The following NLN variants were observed in gnomAD, a reference collection of about 807,000 sequenced individuals.
The protein encoded by NLN is neurolysin, mitochondrial.
Under a neutral mutation model 79.9 loss-of-function variants are expected in NLN, and 64 were observed. The observed-to-expected ratio is 0.80, with a 90% CI of 0.65 to 0.99. The LOEUF (loss-of-function observed/expected upper bound fraction) is 0.99, where lower values mean the gene tolerates loss of function less well. NLN is among the 50% of genes least tolerant of loss of function. NLN has a pLI of 0.00. For synonymous variants in NLN, 267 were observed against 296.6 expected, an observed-to-expected ratio of 0.90 and a Z score of 1.02; for missense variants, 835 against 858.7, an observed-to-expected ratio of 0.97 and a Z score of 0.34.
rs932186774 is a variant in NLN, at chr5:65,771,173, GA to G, written c.451-6245del. The stretch of plus-strand genomic sequence containing the variant: ...TTAAATGTATCCTTAATTCCACTAA[GA>G]AAAAAAAAGAGAAAAAGCAGTGAAA... On this transcript the variant is annotated intron_variant, in intron 3 of 12. Transcript: ENST00000380985. Among the ~76,000 whole-genome samples, 6 of 150,420 alleles carry G rather than the reference GA, an allele frequency of 4.0e-5. No individual in the cohort carries two copies. The East Asian group carries it at 9.7e-4, about 24-fold the overall frequency.
At position 65,809,525 on chromosome 5, in the gene NLN, C is replaced by T; in HGVS notation, c.1538C>T (p.Ala513Val). The change falls in exon 10 of 13, where the codon GCA becomes GTA. Residue 513 changes from alanine to valine, a missense_variant. Ala to Val is a moderately conservative substitution (Grantham distance 64). Coordinates refer to ENST00000380985, the MANE Select transcript of NLN (RefSeq NM_020726.5). ...MHQICAQTDF[A>V]RFSGTNVETD... is the part of the protein sequence containing the mutation. The stretch of plus-strand genomic sequence containing the variant: ...GTGTTTGCTTTCTAGACTGATTTTG[C>T]ACGATTTAGCGGAACAAATGTGGAA... 1 of 1,594,850 alleles carries T rather than the reference C, an allele frequency of 6.3e-7. No homozygotes were observed. Among genetic ancestry groups the T allele is most frequent in the Admixed American group, 1.8e-5 (1 of 54,174 alleles).
chr5:65,815,031 A>G (rs1009830276), intron 12 of NLN, among the ~76,000 whole-genome samples: 35 of 152,274 alleles, frequency 2.3e-4, no homozygotes, highest in African/African-American at 7.5e-4. Flanking sequence ...TACATAGTAC[A>G]TAGATTATTT....
rs757202934 is a variant in NLN, at chr5:65,773,127, A to ATT, written c.451-4281_451-4280dup. On this transcript the variant is annotated intron_variant, in intron 3 of 12. Coordinates refer to ENST00000380985, the MANE Select transcript of NLN (RefSeq NM_020726.5). Reference sequence around the variant, plus strand: ...GCCACCACACCCAGCCCTGAATTCTATTTTTTTTTTTTTTTTTTTTCTGCA... The same window carrying ATT: ...GCCACCACACCCAGCCCTGAATTCTATTTTTTTTTTTTTTTTTTTTTTCTGCA... Among the ~76,000 whole-genome samples, 587 of 96,584 alleles carry ATT rather than the reference A, an allele frequency of 6.1e-3. 22 individuals carry two copies. Among genetic ancestry groups the ATT allele is most frequent in the African/African-American group, 0.014 (343 of 23,716 alleles). 63.4% of individuals were successfully genotyped at this position (96,584 alleles called of 152,430 possible).
chr5:65,739,665 A>G (rs1393079135), intron 1 of NLN, among the ~76,000 whole-genome samples: 2 of 152,190 alleles, frequency 1.3e-5, no homozygotes, highest in Admixed American at 6.5e-5. Context: ...TCCACCAAAG[A>G]CTTGCTATCT....
chr5:65,800,857 AT>A, intron 9 of NLN, among the ~76,000 whole-genome samples: 1 of 151,140 alleles, frequency 6.6e-6, no homozygotes. Flanking sequence ...TGCCCAGCTA[AT>A]TTTTTTATAG....
At chr5:65,727,498 G>T (rs1204513777) in intron 1 of NLN, among the ~76,000 whole-genome samples, 1 of 151,660 alleles carries the variant, frequency 6.6e-6, no homozygotes, top group Non-Finnish European at 1.5e-5. Flanking sequence ...AAATGAAAAG[G>T]ACTAGACTAA....
rs1226159632 is a variant in NLN at position 65,827,040 on chromosome 5, G to C, written c.*4125G>C. 6.6e-6 allele frequency: 1 copy of C among 151,634 alleles called. No homozygotes were observed. Among genetic ancestry groups the C allele is most frequent in the African/African-American group, 2.4e-5 (1 of 41,202 alleles). The allele number at this position is 151,634 out of a possible 1,614,324, so 9.4% of individuals were successfully genotyped here. ...CCACTGGAAACAGATCCACCTAAGTGATTATCTAGTATCAGCTGTATCAAG... is the reference window on the plus strand; with the variant it reads ...CCACTGGAAACAGATCCACCTAAGTCATTATCTAGTATCAGCTGTATCAAG... On this transcript the variant is annotated 3_prime_UTR_variant, in exon 13 of 13. Transcript: ENST00000380985.
At chr5:65,819,653 T>C (rs1241322442) in intron 12 of NLN, among the ~76,000 whole-genome samples, 1 of 152,220 alleles carries the variant, frequency 6.6e-6, no homozygotes. Flanking sequence ...GTTTCTAATA[T>C]GAAAAATTTT....
At chr5:65,757,578 C>T (rs1230185347) in intron 1 of NLN, among the ~76,000 whole-genome samples, 1 of 150,676 alleles carries the variant, frequency 6.6e-6, no homozygotes, top group Non-Finnish European at 1.5e-5. Flanking sequence ...TATTTGTAAG[C>T]CCTAAAATTA....
In NLN at chr5:65,745,047, G is replaced by A. The variant is rs144788736; in HGVS notation, c.42-13520G>A. ...ATTAAAGGGCTCTGGAAAAAAATGAGACCTGGGTGCAGAGGGCAGCCATCC... is the reference window on the plus strand; with the variant it reads ...ATTAAAGGGCTCTGGAAAAAAATGAAACCTGGGTGCAGAGGGCAGCCATCC... On this transcript the variant is annotated intron_variant, in intron 1 of 12. Transcript: ENST00000380985. Among the ~76,000 whole-genome samples the A allele has an allele frequency of 1.0e-2, 1,519 of 152,278 alleles. 6 individuals are homozygous for A. Among genetic ancestry groups the A allele is most frequent in the Non-Finnish European group, 0.014 (945 of 68,028 alleles).
Position 65,742,284 on chromosome 5 carries a change from G to A in NLN, c.42-16283G>A, listed in dbSNP as rs73099369. ...TCATTGTTCTTAAGTCTTACTGCTAGAGGAAGTTGTACACATTAAGGATGT... is the reference window on the plus strand; with the variant it reads ...TCATTGTTCTTAAGTCTTACTGCTAAAGGAAGTTGTACACATTAAGGATGT... On this transcript the variant is annotated intron_variant, in intron 1 of 12. Transcript: ENST00000380985. Among the ~76,000 whole-genome samples, 1,290 of 152,224 alleles carry A rather than the reference G, an allele frequency of 8.5e-3. 21 individuals are homozygous for A. Among genetic ancestry groups the A allele is most frequent in the African/African-American group, 0.03 (1,239 of 41,544 alleles).
intron 12 of NLN, among the ~76,000 whole-genome samples, chr5:65,814,674 C>A (rs1358473706): frequency 6.6e-6 from 1 of 152,034 alleles, no homozygotes; most frequent in African/African-American, 2.4e-5. Context: ...CTTTTCTCTT[C>A]TCTTTTGGAG....
Position 65,785,744 on chromosome 5 carries a change from C to A in NLN, c.823-31C>A, listed in dbSNP as rs369027758. 7.5e-6 allele frequency: 12 copies of A among 1,589,900 alleles called. No homozygotes were observed. In the African/African-American group the frequency reaches 1.3e-4, roughly 18 times the overall value. ...TGCTTTGGATCAAATTATTGATTAG[C>A]CTTTATTTTGTTGCTGTTGTTTATT... On this transcript the variant is annotated intron_variant, in intron 6 of 12. Transcript: ENST00000380985.
At chr5:65,810,266 G>GT (rs368017673) in intron 11 of NLN, 101 bp downstream of exon 11, 15 of 1,024,316 alleles carry the variant, frequency 1.5e-5, no homozygotes, top group African/African-American at 1.1e-4. Context: ...TTACCTAATT[G>GT]TTTCTGATTT....
At chr5:65,790,571 A>G (rs143808607) in intron 8 of NLN, among the ~76,000 whole-genome samples, 2,002 of 152,306 alleles carry the variant, frequency 0.013, 20 homozygotes, top group Non-Finnish European at 0.022. Context: ...CTCACTCACT[A>G]TCATGAGACT....
intron 1 of NLN, among the ~76,000 whole-genome samples, chr5:65,750,905 G>C (rs1254602944): frequency 1.3e-5 from 2 of 152,172 alleles, no homozygotes; most frequent in Non-Finnish European, 2.9e-5. Flanking sequence ...AAAGGACCCT[G>C]GACTTGAGCT....
At chr5:65,813,201 C>T (rs1760593061) in intron 12 of NLN, among the ~76,000 whole-genome samples, 1 of 152,086 alleles carries the variant, frequency 6.6e-6, no homozygotes, top group Admixed American at 6.5e-5. Context: ...TCACCATTCC[C>T]TCCCCATCTT....
intron 9 of NLN, 122 bp from the exon 10 acceptor site, chr5:65,809,393 C>T: frequency 1.3e-6 from 1 of 758,922 alleles, no homozygotes; most frequent in Admixed American, 2.9e-5. Context: ...TATTCTAACC[C>T]CTCATTCAGA....
chr5:65,770,358 G>A (rs925551762), intron 3 of NLN, among the ~76,000 whole-genome samples: 1 of 152,046 alleles, frequency 6.6e-6, no homozygotes, highest in Non-Finnish European at 1.5e-5. Context: ...TAGAAAAATG[G>A]GCAAATGATA....
Sources: gnomAD v4.1 joint callset for allele counts (sites outside exome capture counted in the v4.1 genomes callset) on GRCh38, gnomAD v4.1.1 for gene constraint, MANE v1.5 for transcripts, NCBI Gene and HGNC (gene_info 2026-07-23, HGNC 2026-07-21) for gene names.